Variants in JARID2 observed in about 807,000 individuals in gnomAD.
JARID2 encodes jumonji and AT-rich interaction domain containing 2, also known as protein Jumonji.
Under a neutral mutation model 125.6 loss-of-function variants are expected in JARID2, and 21 were observed. The ratio of observed to expected loss-of-function variants is 0.17; its 90% CI spans 0.12 to 0.24. The LOEUF (loss-of-function observed/expected upper bound fraction) is 0.24, where lower values mean the gene tolerates loss of function less well. Among genes scored for constraint, JARID2 ranks in the 10% least tolerant of loss-of-function variants. The pLI is 1.00. For synonymous variants in JARID2, 736 were observed against 661.6 expected, an observed-to-expected ratio of 1.11 and a Z score of -1.73; for missense variants, 1,303 against 1,639.6, an observed-to-expected ratio of 0.79 and a Z score of 3.55.
At chr6:15,411,333 A>T (rs763003949) in intron 3 of JARID2, among the ~76,000 whole-genome samples, 31 of 151,894 alleles carry the variant, frequency 2.0e-4, no homozygotes, top group Non-Finnish European at 4.1e-4. Flanking sequence ...ATGTGTAGAT[A>T]TTTAAGATTC....
intron 1 of JARID2, among the ~76,000 whole-genome samples, chr6:15,319,843 TAAAC>T (rs1040374652): frequency 2.0e-4 from 30 of 152,212 alleles, no homozygotes; most frequent in African/African-American, 6.8e-4. Context: ...GGGTACTTCT[TAAAC>T]AAATTATGCA....
intron 17 of JARID2, among the ~76,000 whole-genome samples, chr6:15,518,081 T>C (rs1334371774): frequency 6.6e-6 from 1 of 152,264 alleles, no homozygotes; most frequent in East Asian, 1.9e-4. Flanking sequence ...ATCTGTTTTG[T>C]TTCAAAGAGC....
chr6:15,414,502 T>C (rs1329016116), intron 3 of JARID2, among the ~76,000 whole-genome samples: 2 of 150,210 alleles, frequency 1.3e-5, no homozygotes, highest in Non-Finnish European at 3.0e-5. Context: ...CCTCAGAGTT[T>C]TTCTTTATGG....
At chr6:15,294,427 C>T (rs1300098387) in intron 1 of JARID2, among the ~76,000 whole-genome samples, 5 of 152,170 alleles carry the variant, frequency 3.3e-5, no homozygotes, top group South Asian at 2.1e-4. Flanking sequence ...CTCCTGGCCT[C>T]GTGATCCGCC....
chr6:15,520,554 A>G lies in JARID2; in HGVS notation c.*303A>G, dbSNP rs1180543275. Reference sequence around the variant, plus strand: ...ACAAAAGCCTTTTTTTTTGGTTTTGATTTTTTTTTTTTTGTAACTGTTGGG... The same window carrying G: ...ACAAAAGCCTTTTTTTTTGGTTTTGGTTTTTTTTTTTTTGTAACTGTTGGG... On this transcript the variant is annotated 3_prime_UTR_variant, in exon 18 of 18. Coordinates refer to ENST00000341776, the MANE Select transcript of JARID2 (RefSeq NM_004973.4). 2.0e-5 allele frequency: 5 copies of G among 249,072 alleles called. No individual in the cohort carries two copies. Among genetic ancestry groups the G allele is most frequent in the South Asian group, 1.7e-4 (4 of 23,330 alleles). The allele number at this position is 249,072 out of a possible 1,614,324, so 15.4% of individuals were successfully genotyped here.
chr6:15,294,340 G>A (rs548818795), intron 1 of JARID2, among the ~76,000 whole-genome samples: 12 of 152,234 alleles, frequency 7.9e-5, no homozygotes, highest in South Asian at 4.2e-4. Flanking sequence ...CTATAGGTGC[G>A]TGCCAGCACA....
At chr6:15,342,090 A>G (rs1763088233) in intron 1 of JARID2, among the ~76,000 whole-genome samples, 1 of 152,110 alleles carries the variant, frequency 6.6e-6, no homozygotes, top group Non-Finnish European at 1.5e-5. Context: ...TTCTTCACCA[A>G]GTTGGGTAAA....
At chr6:15,489,432 C>T (rs533454771) in intron 6 of JARID2, among the ~76,000 whole-genome samples, 5 of 152,292 alleles carry the variant, frequency 3.3e-5, no homozygotes, top group Admixed American at 6.5e-5. Context: ...CACGGGTGCG[C>T]ACATCCTCTT....
intron 1 of JARID2, among the ~76,000 whole-genome samples, chr6:15,354,566 C>G (rs1011664527): frequency 6.6e-6 from 1 of 152,148 alleles, no homozygotes. Flanking sequence ...TAAAAACTTT[C>G]AGTGTATTAT....
intron 1 of JARID2, among the ~76,000 whole-genome samples, chr6:15,326,227 G>T (rs569627354): frequency 1.3e-5 from 2 of 151,918 alleles, no homozygotes; most frequent in Non-Finnish European, 2.9e-5. Context: ...CATTTTTTTG[G>T]GGGGTGGAAG....
At chr6:15,331,872 T>G (rs1359471189) in intron 1 of JARID2, among the ~76,000 whole-genome samples, 1 of 152,196 alleles carries the variant, frequency 6.6e-6, no homozygotes, top group East Asian at 1.9e-4. Context: ...CTGTGGTTTC[T>G]TAAAATAAAC....
At chr6:15,427,882 AC>A (rs1766798420) in intron 3 of JARID2, among the ~76,000 whole-genome samples, 1 of 145,970 alleles carries the variant, frequency 6.9e-6, no homozygotes, top group African/African-American at 2.5e-5. Context: ...TGTTAGACAT[AC>A]CTTTTTTTTT....
intron 7 of JARID2, among the ~76,000 whole-genome samples, chr6:15,498,989 C>G (rs914634586): frequency 1.3e-5 from 2 of 152,180 alleles, no homozygotes; most frequent in African/African-American, 4.8e-5. Flanking sequence ...CACTTGACAT[C>G]GTAGTGACAG....
At chr6:15,475,341 G>C (rs1393122304) in intron 5 of JARID2, among the ~76,000 whole-genome samples, 1 of 152,226 alleles carries the variant, frequency 6.6e-6, no homozygotes, top group East Asian at 1.9e-4. Flanking sequence ...GGTGCTGTCA[G>C]AAAAGAGGTT....
chr6:15,508,320 T>C lies in JARID2; in HGVS notation c.2732-20T>C. On this transcript the variant is annotated intron_variant, in intron 11 of 17. Coordinates refer to ENST00000341776, the MANE Select transcript of JARID2 (RefSeq NM_004973.4). ...GTTGCCTAGCTTTTAAAAATGCCCT[T>C]TTCACTCTTTCTGTTTTAGGAGTGA... 2.4e-6 allele frequency: 3 copies of C among 1,266,662 alleles called. No homozygotes were observed. Among genetic ancestry groups the C allele is most frequent in the Non-Finnish European group, 3.5e-6 (3 of 863,034 alleles). 78.5% of individuals were successfully genotyped at this position (1,266,662 alleles called of 1,614,324 possible).
intron 1 of JARID2, among the ~76,000 whole-genome samples, chr6:15,273,048 C>G (rs1246088508): frequency 6.6e-6 from 1 of 152,094 alleles, no homozygotes; most frequent in Non-Finnish European, 1.5e-5. Context: ...AAGTTGCCAT[C>G]TATAGAGAAA....
intron 1 of JARID2, chr6:15,314,784 T>C (rs1762125918): frequency 6.6e-6 from 1 of 152,192 alleles, no homozygotes. Flanking sequence ...CAATAATTAG[T>C]GAAATATTAT....
intron 1 of JARID2, among the ~76,000 whole-genome samples, chr6:15,304,305 C>CCG (rs1761738340): frequency 3.5e-5 from 1 of 28,782 alleles, no homozygotes; most frequent in African/African-American, 1.2e-4. Context: ...TTTGCTGATC[C>CCG]CCCCCCCCCC....
intron 5 of JARID2, among the ~76,000 whole-genome samples, chr6:15,481,651 G>C (rs761936094): frequency 6.6e-6 from 1 of 151,964 alleles, no homozygotes; most frequent in African/African-American, 2.4e-5. Context: ...TTTACTTCCC[G>C]TTTAACACAT....
Sources: allele counts gnomAD v4.1 joint callset (sites outside exome capture counted in the v4.1 genomes callset), GRCh38; gene constraint gnomAD v4.1.1; transcripts MANE v1.5; gene names NCBI Gene and HGNC (gene_info 2026-07-23, HGNC 2026-07-21).